Variants in HIPK2 observed in about 807,000 individuals in gnomAD.
HIPK2 encodes the protein homeodomain interacting protein kinase 2, also known as homeodomain-interacting protein kinase 2.
HIPK2 carries 27 observed loss-of-function variants against 113.7 expected under a neutral mutation model. The ratio of observed to expected loss-of-function variants is 0.24; its 90% CI spans 0.17 to 0.33. HIPK2 has a LOEUF of 0.33. Among genes scored for constraint, HIPK2 ranks in the 10% least tolerant of loss-of-function variants. The pLI is 1.00. For synonymous variants in HIPK2, 631 were observed against 642.2 expected (o/e 0.98, Z 0.26); for missense variants, 1,257 against 1,588.0 (o/e 0.79, Z 3.54).
At chr7:139,680,341 A>G (rs1275870553) in intron 2 of HIPK2, among the ~76,000 whole-genome samples, 1 of 152,232 alleles carries the variant, frequency 6.6e-6, no homozygotes, top group Non-Finnish European at 1.5e-5. Flanking sequence ...CAGCCCCAGT[A>G]GGGCTTGGGC....
chr7:139,752,725 A>G lies in HIPK2; in HGVS notation c.19+24880T>C, dbSNP rs570748136. On this transcript the variant is annotated intron_variant, in intron 1 of 14. Coordinates refer to ENST00000406875, the MANE Select transcript of HIPK2 (RefSeq NM_022740.5). ...GCTGGCACTGCTTTTTTCACAGCTG[A>G]AAAAAAAAAAAAAAAGAAAAAGAGA... 6.2e-3 allele frequency among the ~76,000 whole-genome samples: 671 copies of G among 107,422 alleles called. 1 individual carries two copies. The highest frequency in any genetic ancestry group is 0.017 in the African/African-American group (585 of 34,214). 70.5% of individuals were successfully genotyped at this position (107,422 alleles called of 152,430 possible).
chr7:139,602,100 G>A (rs1799448945), intron 10 of HIPK2, among the ~76,000 whole-genome samples: 1 of 151,924 alleles, frequency 6.6e-6, no homozygotes, highest in Non-Finnish European at 1.5e-5. Flanking sequence ...TTACAGGCGT[G>A]CACTGCCACG....
At chr7:139,723,784 G>A (rs1381728760) in intron 1 of HIPK2, among the ~76,000 whole-genome samples, 1 of 152,148 alleles carries the variant, frequency 6.6e-6, no homozygotes, top group Non-Finnish European at 1.5e-5. Flanking sequence ...GATTCCCAGG[G>A]AGGTGATCTC....
At chr7:139,731,611 T>C (rs1456488775) in intron 1 of HIPK2, among the ~76,000 whole-genome samples, 2 of 152,346 alleles carry the variant, frequency 1.3e-5, no homozygotes, top group South Asian at 2.1e-4. Context: ...TGTTTATGTA[T>C]TTCTTTGAGC....
intron 7 of HIPK2, among the ~76,000 whole-genome samples, chr7:139,617,124 T>G (rs1043768215): frequency 6.6e-6 from 1 of 152,214 alleles, no homozygotes; most frequent in African/African-American, 2.4e-5. Context: ...CTTCTGTATA[T>G]CCTCCTTTAG....
At chr7:139,612,133 A>G (rs1160526562) in intron 9 of HIPK2, among the ~76,000 whole-genome samples, 1 of 152,110 alleles carries the variant, frequency 6.6e-6, no homozygotes, top group Non-Finnish European at 1.5e-5. Flanking sequence ...AGACAACAGG[A>G]TATTAGAGAA....
In HIPK2 at chr7:139,573,050, G is replaced by T. The variant is rs760978645; in HGVS notation, c.3474C>A (p.Ile1158=). The part of the protein sequence containing the change: ...MGPRVLPSPT[I]HPSQYPAQFA... ...ATTGGGCTGGATACTGACTCGGGTGGATGGTGGGCGAGGGCAGGACCCGGG... is the reference window on the plus strand; with the variant it reads ...ATTGGGCTGGATACTGACTCGGGTGTATGGTGGGCGAGGGCAGGACCCGGG... Residue 1158 remains isoleucine (I), a synonymous_variant, in exon 15 of 15, where the codon ATC becomes ATA. Coordinates refer to ENST00000406875, the MANE Select transcript of HIPK2 (RefSeq NM_022740.5). The T allele has an allele frequency of 1.2e-6, 2 of 1,612,326 alleles. No homozygotes were observed. Among genetic ancestry groups the T allele is most frequent in the Non-Finnish European group, 1.7e-6 (2 of 1,179,336 alleles).
At chr7:139,674,558 G>A (rs1345280782) in intron 2 of HIPK2, among the ~76,000 whole-genome samples, 1 of 83,708 alleles carries the variant, frequency 1.2e-5, no homozygotes, top group Non-Finnish European at 2.8e-5. Context: ...CAGGCTACGT[G>A]GGAAAGGCGA....
intron 2 of HIPK2, among the ~76,000 whole-genome samples, chr7:139,712,839 T>C (rs1042192080): frequency 1.3e-5 from 2 of 152,122 alleles, no homozygotes; most frequent in African/African-American, 4.8e-5. Flanking sequence ...CGGATCGATC[T>C]ATATGGTGGC....
intron 1 of HIPK2, among the ~76,000 whole-genome samples, chr7:139,742,756 T>C (rs1042154859): frequency 2.6e-5 from 4 of 152,318 alleles, no homozygotes; most frequent in African/African-American, 9.6e-5. Context: ...TGAAGACTCA[T>C]CATAGACAGC....
intron 2 of HIPK2, among the ~76,000 whole-genome samples, chr7:139,646,977 G>T (rs979055390): frequency 6.6e-6 from 1 of 152,148 alleles, no homozygotes; most frequent in Non-Finnish European, 1.5e-5. Context: ...GGCTCTCATG[G>T]AAAGCCTTTG....
intron 1 of HIPK2, among the ~76,000 whole-genome samples, chr7:139,730,255 C>T (rs1175609180): frequency 1.3e-5 from 2 of 152,196 alleles, no homozygotes; most frequent in East Asian, 1.9e-4. Flanking sequence ...TGAGCTACCT[C>T]AGGTTCTACT....
At chr7:139,760,427 G>T (rs1266119410) in intron 1 of HIPK2, among the ~76,000 whole-genome samples, 1 of 152,014 alleles carries the variant, frequency 6.6e-6, no homozygotes. Context: ...CATCAAACTG[G>T]GTGACATGCT....
chr7:139,629,147 G>A (rs987103933), intron 4 of HIPK2, 108 bp from the exon 5 acceptor site: 15 of 863,398 alleles, frequency 1.7e-5, no homozygotes, highest in Middle Eastern at 2.2e-4. Flanking sequence ...CCCACATTTC[G>A]GAAGAGATTT....
At chr7:139,717,068 A>C in intron 1 of HIPK2, 53 bp from the exon 2 acceptor site, 10 of 1,552,752 alleles carry the variant, frequency 6.4e-6, no homozygotes, top group Non-Finnish European at 8.7e-6. Flanking sequence ...TGGTACAAGT[A>C]AACTCAACAG....
intron 2 of HIPK2, among the ~76,000 whole-genome samples, chr7:139,666,844 C>T (rs147900970): frequency 1.3e-5 from 2 of 152,258 alleles, no homozygotes; most frequent in Non-Finnish European, 2.9e-5. Flanking sequence ...AGGTAGACGG[C>T]CTGAGGTCAG....
chr7:139,652,162 T>C (rs567039828), intron 2 of HIPK2, among the ~76,000 whole-genome samples: 5 of 152,344 alleles, frequency 3.3e-5, no homozygotes, highest in South Asian at 4.1e-4. Context: ...TCTTGAACAA[T>C]TCTGTAGTCC....
intron 1 of HIPK2, among the ~76,000 whole-genome samples, chr7:139,721,051 G>A (rs1795392603): frequency 6.6e-6 from 1 of 152,164 alleles, no homozygotes. Flanking sequence ...CTACATGGCT[G>A]GAAACACCCT....
At chr7:139,675,721 G>T (rs1802473829) in intron 2 of HIPK2, among the ~76,000 whole-genome samples, 1 of 152,210 alleles carries the variant, frequency 6.6e-6, no homozygotes, top group African/African-American at 2.4e-5. Flanking sequence ...ATTGGGTGGG[G>T]TTGACCTGAG....
Sources: allele counts gnomAD v4.1 joint callset (sites outside exome capture counted in the v4.1 genomes callset), GRCh38; gene constraint gnomAD v4.1.1; transcripts MANE v1.5; gene names NCBI Gene and HGNC (gene_info 2026-07-23, HGNC 2026-07-21).